The following METAP1 variants were observed in gnomAD, a reference collection of about 807,000 sequenced individuals.
METAP1 encodes methionine aminopeptidase 1.
METAP1 carries 28 observed loss-of-function variants against 53.8 expected under a neutral mutation model. The observed-to-expected ratio is 0.52, with a 90% CI of 0.39 to 0.71. The LOEUF (loss-of-function observed/expected upper bound fraction) is 0.71. Among genes scored for constraint, METAP1 ranks in the 30% least tolerant of loss-of-function variants. The pLI is 0.00. For synonymous variants in METAP1, 181 were observed against 165.7 expected, an observed-to-expected ratio of 1.09 and a Z score of -0.71; for missense variants, 389 against 479.8, an observed-to-expected ratio of 0.81 and a Z score of 1.77.
intron 4 of METAP1, among the ~76,000 whole-genome samples, chr4:99,038,501 C>A (rs1195741123): frequency 6.6e-6 from 1 of 151,974 alleles, no homozygotes; most frequent in South Asian, 2.1e-4. Context: ...ATTGAACTAT[C>A]CTTGCCTTCT....
intron 1 of METAP1, among the ~76,000 whole-genome samples, chr4:98,996,324 C>G (rs971529133): frequency 6.6e-6 from 1 of 152,206 alleles, no homozygotes; most frequent in Admixed American, 6.5e-5. Flanking sequence ...CCGGGCCGTC[C>G]GTCGGGTCCC....
intron 1 of METAP1, among the ~76,000 whole-genome samples, chr4:99,013,698 A>G (rs1191154457): frequency 6.6e-6 from 1 of 152,192 alleles, no homozygotes; most frequent in Non-Finnish European, 1.5e-5. Flanking sequence ...AAATAGGACG[A>G]AGGGAAAAAG....
At chr4:99,036,558 C>T (rs554550314) in intron 4 of METAP1, among the ~76,000 whole-genome samples, 2 of 152,066 alleles carry the variant, frequency 1.3e-5, no homozygotes, top group African/African-American at 4.8e-5. Context: ...ACATTAGGAC[C>T]CCGTCTCTGC....
intron 1 of METAP1, among the ~76,000 whole-genome samples, chr4:98,996,337 C>T (rs924364291): frequency 6.6e-6 from 1 of 152,174 alleles, no homozygotes; most frequent in Non-Finnish European, 1.5e-5. Flanking sequence ...CGGGTCCCTG[C>T]GGGGTGGGGG....
At chr4:99,004,484 TACAC>T (rs145601239) in intron 1 of METAP1, among the ~76,000 whole-genome samples, 2,495 of 75,438 alleles carry the variant, frequency 0.033, 56 homozygotes, top group African/African-American at 0.074. Flanking sequence ...CACACACACA[TACAC>T]ACACACACAC....
At chr4:99,004,470 C>T (rs1312483185) in intron 1 of METAP1, among the ~76,000 whole-genome samples, 8 of 18,004 alleles carry the variant, frequency 4.4e-4, no homozygotes, top group Non-Finnish European at 7.6e-4. Flanking sequence ...CACACACACA[C>T]ACACACACAC....
At chr4:99,054,940 C>G (rs1320026584) in intron 9 of METAP1, among the ~76,000 whole-genome samples, 1 of 152,114 alleles carries the variant, frequency 6.6e-6, no homozygotes, top group Non-Finnish European at 1.5e-5. Flanking sequence ...TCACAGATCA[C>G]TATAACTGGT....
intron 1 of METAP1, among the ~76,000 whole-genome samples, chr4:99,018,658 A>G (rs1015404658): frequency 1.3e-5 from 2 of 152,244 alleles, no homozygotes; most frequent in Non-Finnish European, 2.9e-5. Flanking sequence ...GATTTGTCAT[A>G]GTAGCGTGAG....
At chr4:99,045,923 T>C (rs1726198319) in intron 8 of METAP1, among the ~76,000 whole-genome samples, 1 of 152,248 alleles carries the variant, frequency 6.6e-6, no homozygotes, top group Non-Finnish European at 1.5e-5. Flanking sequence ...CTCATTCTTT[T>C]AATGGCTATG....
chr4:99,053,178 A>T (rs1183555743), intron 9 of METAP1, among the ~76,000 whole-genome samples: 2 of 152,216 alleles, frequency 1.3e-5, no homozygotes, highest in Non-Finnish European at 2.9e-5. Flanking sequence ...ACTCATGTTA[A>T]TATTGATATT....
intron 1 of METAP1, among the ~76,000 whole-genome samples, chr4:99,014,080 C>T (rs561264156): frequency 1.3e-5 from 2 of 152,274 alleles, no homozygotes; most frequent in Admixed American, 1.3e-4. Context: ...TTTGTACAAG[C>T]CGTCGAATAC....
rs1727570943 is a variant in METAP1 at position 99,061,957 on chromosome 4, CTG to C, written c.*646_*647del. On this transcript the variant is annotated 3_prime_UTR_variant, in exon 11 of 11. Transcript: ENST00000296411. ...AATGAGACTTTCTCCAATGTGGACT[CTG>C]TGTGTCAGTGAATGAATGTAGTAAA... is the stretch of plus-strand genomic sequence containing the variant. 2 of 152,170 alleles carry C rather than the reference CTG, an allele frequency of 1.3e-5. No homozygotes were observed. The highest frequency in any genetic ancestry group is 2.1e-4 in the South Asian group (1 of 4,832). 9.4% of individuals were successfully genotyped at this position (152,170 alleles called of 1,614,324 possible). A position where few individuals can be genotyped will look rare whatever the true frequency, so the allele number is the denominator to read the frequency against.
At position 99,039,410 on chromosome 4, in the gene METAP1, C is replaced by T; in HGVS notation, c.377C>T (p.Ser126Phe). 6.2e-7 allele frequency: 1 copy of T among 1,611,734 alleles called. No homozygotes were observed. Among genetic ancestry groups the T allele is most frequent in the Non-Finnish European group, 8.5e-7 (1 of 1,178,526 alleles). The change falls in exon 5 of 11, where the codon TCT (serine) becomes TTT (phenylalanine). Residue 126 changes from serine (S) to phenylalanine (F), a missense_variant. Ser to Phe is a radical substitution (Grantham distance 155). Transcript: ENST00000296411. ...SESEQALKGT[S>F]QIKLLSSEDI... ...TCTGAACAGGCTCTTAAAGGTACTT[C>T]TCAGATTAAATTACTCTCATCTGAA... is the stretch of plus-strand genomic sequence containing the variant.
At chr4:99,008,633 CTG>C (rs1387140356) in intron 1 of METAP1, among the ~76,000 whole-genome samples, 3 of 152,128 alleles carry the variant, frequency 2.0e-5, no homozygotes, top group African/African-American at 7.2e-5. Context: ...TTAATTACCC[CTG>C]TGTTTTTTGG....
intron 1 of METAP1, chr4:99,023,445 C>T (rs1444343556): frequency 2.5e-5 from 24 of 952,174 alleles, no homozygotes; most frequent in Non-Finnish European, 2.9e-5. Flanking sequence ...ACATACAAAT[C>T]CTTTTAGTTA....
intron 1 of METAP1, chr4:99,023,901 T>C (rs767962149): frequency 7.8e-5 from 43 of 552,992 alleles, no homozygotes; most frequent in Non-Finnish European, 9.2e-5. Flanking sequence ...GAGCCAGCTG[T>C]GTGGGAGATG....
intron 1 of METAP1, among the ~76,000 whole-genome samples, chr4:99,002,722 G>A (rs1722979924): frequency 6.6e-6 from 1 of 152,178 alleles, no homozygotes; most frequent in African/African-American, 2.4e-5. Context: ...GCAAGGCTCA[G>A]TAAAGATTTC....
intron 9 of METAP1, among the ~76,000 whole-genome samples, chr4:99,050,690 A>G (rs940651034): frequency 6.6e-6 from 1 of 152,178 alleles, no homozygotes; most frequent in African/African-American, 2.4e-5. Context: ...TTAGATTCTC[A>G]TAGGAGTTTG....
At chr4:99,009,972 A>G (rs1272274762) in intron 1 of METAP1, among the ~76,000 whole-genome samples, 1 of 151,824 alleles carries the variant, frequency 6.6e-6, no homozygotes, top group East Asian at 1.9e-4. Flanking sequence ...GTATTTCCCC[A>G]TTTCCCTTAT....
Sources: allele counts gnomAD v4.1 joint callset (sites outside exome capture counted in the v4.1 genomes callset), GRCh38; gene constraint gnomAD v4.1.1; transcripts MANE v1.5; gene names NCBI Gene and HGNC (gene_info 2026-07-23, HGNC 2026-07-21).